The following FGD6 variants were observed in gnomAD, a reference collection of about 807,000 sequenced individuals.
The protein encoded by FGD6 is FYVE, RhoGEF and PH domain-containing protein 6.
FGD6 carries 90 observed loss-of-function variants against 149.4 expected under a neutral mutation model. That is an observed-to-expected ratio of 0.60 (90% CI 0.51 to 0.72). The LOEUF is 0.72. FGD6 is among the 30% of genes least tolerant of loss of function. The pLI is 0.00. For synonymous variants in FGD6, 527 were observed against 584.0 expected (o/e 0.90, Z 1.41); for missense variants, 1,437 against 1,684.8 (o/e 0.85, Z 2.57).
In FGD6 at chr12:95,209,178, CTTTT is replaced by C; in HGVS notation, c.2102_2105del (p.Gln701ArgfsTer16). On this transcript the variant is annotated frameshift_variant, in exon 2 of 21. Transcript: ENST00000343958. LOFTEE classifies it high-confidence loss of function. ...TCTGGCCCCGAGACTTCTTCCTCTT[CTTTT>C]GAGATTCCAGGCTATAGTTTTCTGT... 1 of 1,614,146 alleles carries C rather than the reference CTTTT, an allele frequency of 6.2e-7. No homozygotes were observed. Among genetic ancestry groups the C allele is most frequent in the Non-Finnish European group, 8.5e-7 (1 of 1,180,034 alleles).
chr12:95,126,054 G>T, intron 8 of FGD6: 1 of 1,278,748 alleles, frequency 7.8e-7, no homozygotes, highest in African/African-American at 1.5e-5. Flanking sequence ...TGAAGCCAGA[G>T]AAAGGAAAGC....
rs1384192707 is a variant in FGD6 at position 95,080,408 on chromosome 12, G to C, written c.*1112C>G. On this transcript the variant is annotated 3_prime_UTR_variant, in exon 21 of 21. Transcript: ENST00000343958. ...TAAACAGTAAGTGCACCAGAATTAT[G>C]AATCTAAATCTTTCCTAAGGAGGTG... 6.6e-6 allele frequency: 1 copy of C among 151,702 alleles called. No homozygotes were observed. The highest frequency in any genetic ancestry group is 6.6e-5 in the Admixed American group (1 of 15,244). 9.4% of individuals were successfully genotyped at this position (151,702 alleles called of 1,614,324 possible). A position where few individuals can be genotyped will look rare whatever the true frequency, so the allele number is the denominator to read the frequency against.
intron 19 of FGD6, chr12:95,085,520 TA>T (rs1877836912): frequency 2.1e-6 from 1 of 465,286 alleles, no homozygotes; most frequent in African/African-American, 2.0e-5. Context: ...CTGCCTTTAG[TA>T]AAGTAATTAG....
intron 3 of FGD6, among the ~76,000 whole-genome samples, chr12:95,171,225 T>C (rs1456846169): frequency 1.3e-5 from 2 of 152,158 alleles, no homozygotes; most frequent in African/African-American, 4.8e-5. Flanking sequence ...ACGTGGGCCA[T>C]TCATTTAAGC....
At position 95,210,931 on chromosome 12, in the gene FGD6, T is replaced by C. The variant is rs775876559; in HGVS notation, c.353A>G (p.His118Arg). ...PMCSCSSECI[H>R]KLGHRENLCV... The stretch of plus-strand genomic sequence containing the variant: ...CAAATTCTCTCTATGGCCCAGCTTA[T>C]GGATACACTCAGAACTGCAGGAACA... The change falls in exon 2 of 21, where the codon CAT becomes CGT. Residue 118 changes from histidine (H) to arginine (R), a missense_variant. His to Arg is a conservative substitution (Grantham distance 29, BLOSUM62 0). Coordinates refer to ENST00000343958, the MANE Select transcript of FGD6 (RefSeq NM_018351.4). The C allele has an allele frequency of 2.1e-4, 339 of 1,614,092 alleles. 4 individuals carry two copies. In the South Asian group the frequency reaches 3.5e-3, roughly 17 times the overall value.
At chr12:95,089,496 A>G (rs1877980284) in intron 18 of FGD6, 73 bp downstream of exon 18, 16 of 1,507,052 alleles carry the variant, frequency 1.1e-5, no homozygotes, top group Non-Finnish European at 1.4e-5. Context: ...CCTTTATGAA[A>G]GAAAAACGGT....
At chr12:95,101,543 T>C (rs1006790587) in intron 14 of FGD6, among the ~76,000 whole-genome samples, 6 of 152,166 alleles carry the variant, frequency 3.9e-5, no homozygotes, top group African/African-American at 1.4e-4. Context: ...ACTTGGGAAA[T>C]AGAAGTGCAA....
intron 3 of FGD6, among the ~76,000 whole-genome samples, chr12:95,165,553 G>A (rs1419339727): frequency 6.6e-6 from 1 of 151,378 alleles, no homozygotes; most frequent in Non-Finnish European, 1.5e-5. Context: ...GGTCAGGCTG[G>A]TCTCGAACTC....
chr12:95,161,008 C>T (rs182842171), intron 3 of FGD6, among the ~76,000 whole-genome samples: 31 of 151,892 alleles, frequency 2.0e-4, no homozygotes, highest in Middle Eastern at 3.4e-3. Flanking sequence ...GGTGAAACCC[C>T]GTCTCCACCA....
rs1326957461 is a variant in FGD6, at chr12:95,077,564, AGT to A, written c.*3954_*3955del. 1 of 152,224 alleles carries A rather than the reference AGT, an allele frequency of 6.6e-6. No individual in the cohort carries two copies. Among genetic ancestry groups the A allele is most frequent in the Admixed American group, 6.5e-5 (1 of 15,288 alleles). 9.4% of individuals were successfully genotyped at this position (152,224 alleles called of 1,614,324 possible). On this transcript the variant is annotated 3_prime_UTR_variant, in exon 21 of 21. Transcript: ENST00000343958. ...TGGGAAAGCCACTGAGGCATGTAAAAGTGGGGATGAAACTAGATTAGAGCTAT... is the reference window on the plus strand; with the variant it reads ...TGGGAAAGCCACTGAGGCATGTAAAAGGGGATGAAACTAGATTAGAGCTAT...
At chr12:95,176,850 A>G (rs1881147700) in intron 2 of FGD6, among the ~76,000 whole-genome samples, 1 of 152,116 alleles carries the variant, frequency 6.6e-6, no homozygotes, top group African/African-American at 2.4e-5. Flanking sequence ...ATTTTTTGAG[A>G]TGGAGTCTCA....
intron 3 of FGD6, among the ~76,000 whole-genome samples, chr12:95,159,500 G>A (rs560836731): frequency 6.4e-4 from 98 of 152,218 alleles, no homozygotes; most frequent in African/African-American, 2.2e-3. Flanking sequence ...GAAAATATTC[G>A]CAAATCATGA....
chr12:95,104,725 G>T (rs989722008), intron 14 of FGD6, among the ~76,000 whole-genome samples: 1 of 152,098 alleles, frequency 6.6e-6, no homozygotes, highest in Non-Finnish European at 1.5e-5. Flanking sequence ...TTACAGGGGT[G>T]AGCTACCACA....
chr12:95,139,660 CTT>C (rs570540891), intron 6 of FGD6, among the ~76,000 whole-genome samples: 16 of 135,374 alleles, frequency 1.2e-4, no homozygotes, highest in Admixed American at 1.6e-4. Context: ...TCTATCATGA[CTT>C]TTTTTTTTTT....
intron 9 of FGD6, among the ~76,000 whole-genome samples, chr12:95,109,846 A>G (rs1878755891): frequency 6.6e-6 from 1 of 152,144 alleles, no homozygotes; most frequent in Non-Finnish European, 1.5e-5. Flanking sequence ...TAGGTGACAG[A>G]ATGAGGCCCT....
chr12:95,140,389 G>C (rs531585590), intron 6 of FGD6, among the ~76,000 whole-genome samples: 1 of 152,192 alleles, frequency 6.6e-6, no homozygotes, highest in African/African-American at 2.4e-5. Context: ...GGGAGGCCAA[G>C]GCGGATCACC....
chr12:95,198,485 G>T (rs1398324268), intron 2 of FGD6, among the ~76,000 whole-genome samples: 2 of 152,056 alleles, frequency 1.3e-5, no homozygotes, highest in African/African-American at 4.8e-5. Context: ...TGTCACCCAG[G>T]CTGGATTGCA....
At chr12:95,179,220 G>T (rs2136287048) in intron 2 of FGD6, among the ~76,000 whole-genome samples, 1 of 152,192 alleles carries the variant, frequency 6.6e-6, no homozygotes, top group Non-Finnish European at 1.5e-5. Context: ...TCAGAGCCGG[G>T]GTGGTGACTG....
intron 1 of FGD6, among the ~76,000 whole-genome samples, chr12:95,212,322 T>C (rs1461788502): frequency 6.6e-6 from 1 of 152,214 alleles, no homozygotes; most frequent in East Asian, 1.9e-4. Context: ...TCTACTACAT[T>C]TAAAAGATAA....
Sources: allele counts gnomAD v4.1 joint callset (sites outside exome capture counted in the v4.1 genomes callset), GRCh38; gene constraint gnomAD v4.1.1; transcripts MANE v1.5; gene names NCBI Gene and HGNC (gene_info 2026-07-23, HGNC 2026-07-21).